FAM174B: variants seen among roughly 807,000 people sequenced by gnomAD.
FAM174B encodes family with sequence similarity 174 member B.
FAM174B carries 12 observed loss-of-function variants against 10.9 expected under a neutral mutation model. The observed-to-expected ratio is 1.10, with a 90% CI of 0.71 to 1.79. The LOEUF is 1.79. Among genes scored for constraint, FAM174B ranks in the 40% most tolerant of loss-of-function variants. The pLI, the probability that FAM174B is intolerant of heterozygous loss-of-function variation, is 0.00. For missense variants in FAM174B, 266 were observed against 233.3 expected (o/e 1.14, Z -0.91); for synonymous variants, 132 against 115.8 (o/e 1.14, Z -0.90).
At chr15:92,623,526 T>C (rs2050733427) in intron 2 of FAM174B, among the ~76,000 whole-genome samples, 1 of 152,206 alleles carries the variant, frequency 6.6e-6, no homozygotes, top group African/African-American at 2.4e-5. Flanking sequence ...GTTACAACCA[T>C]CCCACACGAG....
chr15:92,619,026 G>GCGCCGTATCATT lies in FAM174B; in HGVS notation c.*429_*430insAATGATACGGCG. On this transcript the variant is annotated 3_prime_UTR_variant, in exon 3 of 3. Coordinates refer to ENST00000327355, the MANE Select transcript of FAM174B (RefSeq NM_207446.3). ...GGGTCCAATGTGTAGATCCAGTAGA[G>GCGCCGTATCATT]AAGAATGTCGGAAATTCTAAATACA... is the stretch of plus-strand genomic sequence containing the variant. The GCGCCGTATCATT allele has an allele frequency of 2.3e-6, 1 of 435,776 alleles. No individual in the cohort carries two copies. Among genetic ancestry groups the GCGCCGTATCATT allele is most frequent in the Non-Finnish European group, 4.0e-6 (1 of 248,092 alleles). The allele number at this position is 435,776 out of a possible 1,614,324, so 27.0% of individuals were successfully genotyped here. A position where few individuals can be genotyped will look rare whatever the true frequency, so the allele number is the denominator to read the frequency against.
intron 2 of FAM174B, among the ~76,000 whole-genome samples, chr15:92,629,773 G>A (rs1331879529): frequency 6.6e-6 from 1 of 152,102 alleles, no homozygotes; most frequent in Non-Finnish European, 1.5e-5. Context: ...CACGTGTTGT[G>A]GGAGGGACTC....
intron 1 of FAM174B, among the ~76,000 whole-genome samples, chr15:92,645,296 T>G (rs2050918989): frequency 6.6e-6 from 1 of 152,234 alleles, no homozygotes; most frequent in South Asian, 2.1e-4. Context: ...GCACTGTTGG[T>G]TGACCCCAGG....
chr15:92,639,481 C>A (rs1433235968), intron 1 of FAM174B, among the ~76,000 whole-genome samples: 1 of 152,142 alleles, frequency 6.6e-6, no homozygotes, highest in African/African-American at 2.4e-5. Context: ...AATGGAATAG[C>A]CATGAAAATT....
intron 2 of FAM174B, among the ~76,000 whole-genome samples, chr15:92,626,209 C>A (rs548756075): frequency 1.4e-5 from 2 of 147,848 alleles, no homozygotes; most frequent in Non-Finnish European, 3.0e-5. Context: ...CGCCATTCTC[C>A]TGCCTCAGCC....
chr15:92,635,198 C>T (rs2141957337), intron 1 of FAM174B, among the ~76,000 whole-genome samples: 1 of 149,470 alleles, frequency 6.7e-6, no homozygotes, highest in South Asian at 2.1e-4. Context: ...CACACACACA[C>T]CCTATTGATT....
intron 1 of FAM174B, among the ~76,000 whole-genome samples, chr15:92,644,163 C>G (rs2050910708): frequency 6.6e-6 from 1 of 152,136 alleles, no homozygotes; most frequent in African/African-American, 2.4e-5. Context: ...GCCTCTGCCC[C>G]ACCCTGTAAG....
intron 1 of FAM174B, among the ~76,000 whole-genome samples, chr15:92,648,676 T>C (rs2050944858): frequency 6.6e-6 from 1 of 151,888 alleles, no homozygotes; most frequent in African/African-American, 2.4e-5. Flanking sequence ...GAGCTCTGAA[T>C]GCAAAGAAAC....
intron 1 of FAM174B, among the ~76,000 whole-genome samples, chr15:92,634,137 G>A (rs1237133696): frequency 6.6e-6 from 1 of 152,202 alleles, no homozygotes; most frequent in Admixed American, 6.5e-5. Context: ...CAAGCATCTG[G>A]AACGGGAGAA....
chr15:92,629,710 T>C (rs770239903), intron 2 of FAM174B, among the ~76,000 whole-genome samples: 2 of 152,128 alleles, frequency 1.3e-5, no homozygotes, highest in Non-Finnish European at 2.9e-5. Context: ...TCTGATATGG[T>C]TTGGCTGTGT....
chr15:92,623,402 A>G (rs2050732559), intron 2 of FAM174B, among the ~76,000 whole-genome samples: 1 of 152,178 alleles, frequency 6.6e-6, no homozygotes, highest in African/African-American at 2.4e-5. Flanking sequence ...TAAGTCAGAA[A>G]GAGTCAATGC....
chr15:92,655,559 G>C lies in FAM174B; in HGVS notation c.101C>G (p.Ala34Gly). 1 of 1,388,980 alleles carries C rather than the reference G, an allele frequency of 7.2e-7. No individual in the cohort carries two copies. Among genetic ancestry groups the C allele is most frequent in the Non-Finnish European group, 9.3e-7 (1 of 1,072,988 alleles). 86.0% of individuals were successfully genotyped at this position (1,388,980 alleles called of 1,614,324 possible). ...CTCGCGCTCGGGTTCGGGCCACGGC[G>C]CGGAGACGGACTCGGCTCTGCTGGC... ...ARASRAESVS[A>G]PWPEPERESR... Residue 34 changes from alanine (A) to glycine (G), a missense_variant, in exon 1 of 3, where the codon GCG (alanine) becomes GGG (glycine). By Grantham distance (60) the Ala-to-Gly change is moderately conservative (BLOSUM62 0). Transcript: ENST00000327355.
chr15:92,641,908 C>G (rs2050894510), intron 1 of FAM174B, among the ~76,000 whole-genome samples: 1 of 152,156 alleles, frequency 6.6e-6, no homozygotes, highest in Admixed American at 6.5e-5. Context: ...CACTTGCAAA[C>G]TATACATCTG....
intron 1 of FAM174B, among the ~76,000 whole-genome samples, chr15:92,649,550 A>C (rs1391209945): frequency 6.6e-6 from 1 of 152,224 alleles, no homozygotes; most frequent in Admixed American, 6.5e-5. Flanking sequence ...GGGGAGCCAG[A>C]GACTTAGTTG....
chr15:92,625,046 A>T (rs1480126050), intron 2 of FAM174B, among the ~76,000 whole-genome samples: 1 of 152,212 alleles, frequency 6.6e-6, no homozygotes, highest in Non-Finnish European at 1.5e-5. Flanking sequence ...TGAAAGAACC[A>T]TTTCAAAACC....
chr15:92,632,539 G>A (rs960290868), intron 1 of FAM174B, among the ~76,000 whole-genome samples: 5 of 152,122 alleles, frequency 3.3e-5, no homozygotes, highest in African/African-American at 9.7e-5. Context: ...AGACAGGGTC[G>A]CATTCTATCA....
At chr15:92,619,747 G>A (rs185130519) in intron 2 of FAM174B, 124 of 498,858 alleles carry the variant, frequency 2.5e-4, no homozygotes, top group African/African-American at 2.3e-3. Flanking sequence ...GCACTTCCAG[G>A]GTGTTTACAC....
At chr15:92,621,298 C>A (rs2050717751) in intron 2 of FAM174B, among the ~76,000 whole-genome samples, 1 of 151,902 alleles carries the variant, frequency 6.6e-6, no homozygotes, top group Non-Finnish European at 1.5e-5. Flanking sequence ...AATTTTTTTT[C>A]CAAATAAAAA....
chr15:92,640,064 G>GA (rs1314918688), intron 1 of FAM174B, among the ~76,000 whole-genome samples: 1 of 152,006 alleles, frequency 6.6e-6, no homozygotes, highest in East Asian at 1.9e-4. Flanking sequence ...AAATGAGTGA[G>GA]AAAAAGGTAA....
Sources: allele counts gnomAD v4.1 joint callset (sites outside exome capture counted in the v4.1 genomes callset), GRCh38; gene constraint gnomAD v4.1.1; transcripts MANE v1.5; gene names NCBI Gene and HGNC (gene_info 2026-07-23, HGNC 2026-07-21).